Variants in TDRD3 observed in about 807,000 individuals in gnomAD.
The protein encoded by TDRD3 is tudor domain-containing protein 3.
A neutral mutation model predicts 86.7 loss-of-function variants in TDRD3; 45 were observed. The ratio of observed to expected loss-of-function variants is 0.52; its 90% CI spans 0.41 to 0.67. The LOEUF (loss-of-function observed/expected upper bound fraction) is 0.67. Among genes scored for constraint, TDRD3 ranks in the 30% least tolerant of loss-of-function variants. TDRD3 has a pLI of 0.00. For synonymous variants in TDRD3, 298 were observed against 301.7 expected (o/e 0.99, Z 0.13); for missense variants, 814 against 889.0 (o/e 0.92, Z 1.07).
At chr13:60,457,549 G>C (rs1462181472) in intron 3 of TDRD3, among the ~76,000 whole-genome samples, 3 of 152,168 alleles carry the variant, frequency 2.0e-5, no homozygotes, top group Non-Finnish European at 2.9e-5. Context: ...GTGAGGCTGA[G>C]GCCAATATAC....
At chr13:60,566,082 G>A (rs1958452701) in intron 12 of TDRD3, among the ~76,000 whole-genome samples, 1 of 152,024 alleles carries the variant, frequency 6.6e-6, no homozygotes, top group East Asian at 1.9e-4. Context: ...AGGCCCCTCA[G>A]GATGATCATT....
intron 10 of TDRD3, among the ~76,000 whole-genome samples, chr13:60,511,177 A>G (rs1957051981): frequency 6.6e-6 from 1 of 152,206 alleles, no homozygotes; most frequent in Non-Finnish European, 1.5e-5. Flanking sequence ...TATATTTTTT[A>G]TATACTTTAG....
intron 3 of TDRD3, among the ~76,000 whole-genome samples, chr13:60,456,069 CAAAAAAA>C (rs35117003): frequency 2.1e-5 from 2 of 95,568 alleles, no homozygotes; most frequent in African/African-American, 4.5e-5. Context: ...GACTATGTCT[CAAAAAAA>C]AAAAAAAAAA....
chr13:60,570,875 T>C (rs1021371310), intron 13 of TDRD3, among the ~76,000 whole-genome samples: 1 of 152,202 alleles, frequency 6.6e-6, no homozygotes, highest in Non-Finnish European at 1.5e-5. Flanking sequence ...AAAAATAATA[T>C]ATTGCTTAAA....
intron 12 of TDRD3, among the ~76,000 whole-genome samples, chr13:60,541,151 T>TTCTG (rs1374721286): frequency 4.0e-5 from 2 of 49,666 alleles, no homozygotes; most frequent in East Asian, 7.0e-4. Flanking sequence ...TTTCTATTCT[T>TTCTG]TCTTTCTTTC....
chr13:60,538,698 C>A (rs777226976), intron 12 of TDRD3, among the ~76,000 whole-genome samples: 1 of 152,090 alleles, frequency 6.6e-6, no homozygotes, highest in Admixed American at 6.6e-5. Context: ...TTCCCACAGG[C>A]CCTTTCCAAA....
intron 12 of TDRD3, among the ~76,000 whole-genome samples, chr13:60,539,204 T>A (rs1957760505): frequency 6.6e-6 from 1 of 152,162 alleles, no homozygotes; most frequent in South Asian, 2.1e-4. Flanking sequence ...ATATTCATTA[T>A]GTATCTAGTA....
At chr13:60,560,990 GA>G (rs1958319310) in intron 12 of TDRD3, among the ~76,000 whole-genome samples, 1 of 152,086 alleles carries the variant, frequency 6.6e-6, no homozygotes, top group Non-Finnish European at 1.5e-5. Flanking sequence ...TGTGCTGGAT[GA>G]GGTACATAAA....
At chr13:60,533,084 G>C (rs372934742) in intron 11 of TDRD3, among the ~76,000 whole-genome samples, 1 of 152,042 alleles carries the variant, frequency 6.6e-6, no homozygotes, top group Non-Finnish European at 1.5e-5. Flanking sequence ...AAAAGTGTGG[G>C]GCTAAGAAAT....
intron 12 of TDRD3, among the ~76,000 whole-genome samples, chr13:60,543,964 G>GTTT (rs79811167): frequency 7.6e-6 from 1 of 131,656 alleles, no homozygotes; most frequent in Non-Finnish European, 1.6e-5. Flanking sequence ...TAATATAGCT[G>GTTT]TTTTTTTTTT....
At chr13:60,437,827 C>A (rs983908108) in intron 1 of TDRD3, among the ~76,000 whole-genome samples, 9 of 152,112 alleles carry the variant, frequency 5.9e-5, no homozygotes, top group Admixed American at 5.2e-4. Context: ...TGTACTGTTG[C>A]TTTCTAAAAT....
intron 7 of TDRD3, among the ~76,000 whole-genome samples, chr13:60,492,821 A>C (rs1956616516): frequency 1.3e-5 from 2 of 152,090 alleles, no homozygotes; most frequent in South Asian, 4.1e-4. Context: ...AGAGATGCTT[A>C]ATATGTTATC....
At chr13:60,525,004 T>C (rs1957379932) in intron 10 of TDRD3, among the ~76,000 whole-genome samples, 1 of 140,996 alleles carries the variant, frequency 7.1e-6, no homozygotes, top group Non-Finnish European at 1.5e-5. Context: ...GGAGAATCAC[T>C]TGAACCCGGG....
At chr13:60,523,842 G>T (rs1332680253) in intron 10 of TDRD3, among the ~76,000 whole-genome samples, 1 of 152,062 alleles carries the variant, frequency 6.6e-6, no homozygotes, top group African/African-American at 2.4e-5. Flanking sequence ...ATCCCAAAGT[G>T]CTGGGATTAC....
Position 60,466,861 on chromosome 13 carries a change from A to G in TDRD3, c.354-377A>G, listed in dbSNP as rs540925968. On this transcript the variant is annotated intron_variant, in intron 4 of 13. Coordinates refer to ENST00000377881, the MANE Select transcript of TDRD3 (RefSeq NM_001146070.2). ...CTCTCTGGTGGTCTATTCATATGATATAGTCAGCCTCCTGAAAAATTAGTT... is the reference window on the plus strand; with the variant it reads ...CTCTCTGGTGGTCTATTCATATGATGTAGTCAGCCTCCTGAAAAATTAGTT... Among the ~76,000 whole-genome samples, 4 of 152,174 alleles carry G rather than the reference A, an allele frequency of 2.6e-5. 1 individual carries two copies. In the South Asian group the frequency reaches 8.3e-4, roughly 32 times the overall value.
At chr13:60,523,324 CAATT>C (rs1335877501) in intron 10 of TDRD3, among the ~76,000 whole-genome samples, 5 of 152,114 alleles carry the variant, frequency 3.3e-5, no homozygotes, top group African/African-American at 7.2e-5. Flanking sequence ...TGATTTGTGA[CAATT>C]AATAAGTTTA....
chr13:60,445,467 ATTG>A (rs1250655040), intron 3 of TDRD3, among the ~76,000 whole-genome samples: 1 of 151,988 alleles, frequency 6.6e-6, no homozygotes, highest in East Asian at 1.9e-4. Flanking sequence ...TTTCATCTCT[ATTG>A]TTCTTAGAAT....
At chr13:60,506,037 C>T (rs1566252904) in intron 8 of TDRD3, among the ~76,000 whole-genome samples, 2 of 152,050 alleles carry the variant, frequency 1.3e-5, no homozygotes, top group African/African-American at 4.8e-5. Context: ...GAGAACACCA[C>T]AAAAATACTC....
In TDRD3 at chr13:60,567,597, C is replaced by T. The variant is rs1444758717; in HGVS notation, c.2191C>T (p.Arg731Trp). 7 of 1,614,036 alleles carry T rather than the reference C, an allele frequency of 4.3e-6. No individual in the cohort carries two copies. Among genetic ancestry groups the T allele is most frequent in the Admixed American group, 1.7e-5 (1 of 59,986 alleles). Residue 731 changes from arginine (R) to tryptophan (W), a missense_variant, in exon 13 of 14, where the codon CGG (arginine) becomes TGG (tryptophan). Transcript: ENST00000377881. ...GGDGQPRRST[R>W]PTQQFYQPPR... ...TGATGGCCAGCCAAGACGATCCACT[C>T]GGCCAACCCAACAGTTTTACCAACC...
Sources: gnomAD v4.1 joint callset for allele counts (sites outside exome capture counted in the v4.1 genomes callset) on GRCh38, gnomAD v4.1.1 for gene constraint, MANE v1.5 for transcripts, NCBI Gene and HGNC (gene_info 2026-07-23, HGNC 2026-07-21) for gene names.